The following HDGFL2 variants were observed in gnomAD, a reference collection of about 807,000 sequenced individuals.
HDGFL2 encodes HDGF like 2, also known as hepatoma-derived growth factor-related protein 2.
Under a neutral mutation model 77.1 loss-of-function variants are expected in HDGFL2, and 36 were observed. The observed-to-expected ratio is 0.47, with a 90% CI of 0.36 to 0.62. The LOEUF is 0.62. HDGFL2 is among the 20% of genes least tolerant of loss of function. The pLI is 0.00. For synonymous variants in HDGFL2, 463 were observed against 413.1 expected (o/e 1.12, Z -1.46); for missense variants, 976 against 973.4 (o/e 1.00, Z -0.04).
chr19:4,494,551 A>G, intron 9 of HDGFL2, 76 bp downstream of exon 9: 1 of 1,125,658 alleles, frequency 8.9e-7, no homozygotes, highest in East Asian at 3.2e-5. Context: ...AGGAGGCAGT[A>G]TCCCAGGTTC....
Position 4,498,289 on chromosome 19 carries a change from T to A in HDGFL2, c.1403-17T>A. The A allele has an allele frequency of 6.2e-7, 1 of 1,609,668 alleles. No homozygotes were observed. The highest frequency in any genetic ancestry group is 8.5e-7 in the Non-Finnish European group (1 of 1,177,116). Reference sequence around the variant, plus strand: ...GGCCCTGCCTGGGCCCACACGGTGCTCTCTCTCCTGGCCCAGAGCCCTCCG... The same window carrying A: ...GGCCCTGCCTGGGCCCACACGGTGCACTCTCTCCTGGCCCAGAGCCCTCCG... On this transcript the variant is annotated splice_polypyrimidine_tract_variant and intron_variant, in intron 11 of 15. Coordinates refer to ENST00000616600, the MANE Select transcript of HDGFL2 (RefSeq NM_001001520.3).
Position 4,501,269 on chromosome 19 carries a change from G to T in HDGFL2, c.1868G>T (p.Arg623Leu). The T allele has an allele frequency of 6.2e-7, 1 of 1,612,548 alleles. No homozygotes were observed. The highest frequency in any genetic ancestry group is 8.5e-7 in the Non-Finnish European group (1 of 1,179,148). ...GAGGACAAGGAGCACGAGGAGGGTC[G>T]GGACTCGGAGGAGGGGCCAAGGTGT... ...SAEDKEHEEG[R>L]DSEEGPRCGS... Residue 623 changes from arginine to leucine, a missense_variant, in exon 15 of 16, where the codon CGG becomes CTG. Arg to Leu is a moderately radical substitution (Grantham distance 102). Transcript: ENST00000616600.
chr19:4,493,070 G>A (rs893597418), intron 6 of HDGFL2, among the ~76,000 whole-genome samples: 1 of 98,742 alleles, frequency 1.0e-5, no homozygotes, highest in African/African-American at 4.6e-5. Flanking sequence ...TGTTGTCTGT[G>A]TGTGGTGTGT....
chr19:4,494,483 G>T lies in HDGFL2; in HGVS notation c.1224+8G>T. ...GCCGAGCTGGAGAGAGAGGTGAGCCGGGAGGGCGCCGGGAGTCCCTGCCTT... is the reference window on the plus strand; with the variant it reads ...GCCGAGCTGGAGAGAGAGGTGAGCCTGGAGGGCGCCGGGAGTCCCTGCCTT... On this transcript the variant is annotated splice_region_variant and intron_variant, in intron 9 of 15. Transcript: ENST00000616600. 3 of 1,375,854 alleles carry T rather than the reference G, an allele frequency of 2.2e-6. No individual in the cohort carries two copies. The highest frequency in any genetic ancestry group is 1.7e-5 in the South Asian group (1 of 57,314). The allele number at this position is 1,375,854 out of a possible 1,614,324, so 85.2% of individuals were successfully genotyped here.
At chr19:4,475,084 C>G in intron 1 of HDGFL2, 191 bp from the exon 2 acceptor site, 1 of 596,994 alleles carries the variant, frequency 1.7e-6, no homozygotes, top group Non-Finnish European at 3.0e-6. Flanking sequence ...GGAGAGCTCT[C>G]TGGGTGGGGC....
rs1038546208 is a variant in HDGFL2, at chr19:4,501,998, C to T, written c.2004C>T (p.Asp668=). The T allele has an allele frequency of 1.8e-5, 28 of 1,517,106 alleles. No homozygotes were observed. Among genetic ancestry groups the T allele is most frequent in the South Asian group, 5.0e-5 (4 of 80,008 alleles). 94.0% of individuals were successfully genotyped at this position (1,517,106 alleles called of 1,614,324 possible). ...ERARGDSEAL[D]EES is the part of the protein sequence containing the mutation. Reference sequence around the variant, plus strand: ...CACGGGGGGACTCGGAGGCCCTGGACGAGGAGAGCTGAGCCGCGGGCAGCC... The same window carrying T: ...CACGGGGGGACTCGGAGGCCCTGGATGAGGAGAGCTGAGCCGCGGGCAGCC... The change falls in exon 16 of 16, where the codon GAC becomes GAT. Residue 668 remains aspartate (D), a synonymous_variant. Coordinates refer to ENST00000616600, the MANE Select transcript of HDGFL2 (RefSeq NM_001001520.3).
In HDGFL2 at chr19:4,502,072, CGCAGGAGAGCAGA is replaced by C; in HGVS notation, c.*67_*79del. ...AGGCTGCCCCTCTCCTTCCCCGGCT[CGCAGGAGAGCAGA>C]GCAGAGAACTGTGGGGAACGCTGTG... On this transcript the variant is annotated 3_prime_UTR_variant, in exon 16 of 16. Coordinates refer to ENST00000616600, the MANE Select transcript of HDGFL2 (RefSeq NM_001001520.3). 1 of 1,176,826 alleles carries C rather than the reference CGCAGGAGAGCAGA, an allele frequency of 8.5e-7. No individual in the cohort carries two copies. The highest frequency in any genetic ancestry group is 1.2e-6 in the Non-Finnish European group (1 of 818,754). 72.9% of individuals were successfully genotyped at this position (1,176,826 alleles called of 1,614,324 possible).
intron 3 of HDGFL2, 125 bp downstream of exon 3, chr19:4,475,708 T>A (rs993406801): frequency 2.8e-5 from 34 of 1,200,500 alleles, no homozygotes; most frequent in South Asian, 1.9e-4. Context: ...TGGTGGGGCA[T>A]TCTGGGCCCT....
At chr19:4,475,929 G>T (rs1294792350) in intron 3 of HDGFL2, among the ~76,000 whole-genome samples, 1 of 146,930 alleles carries the variant, frequency 6.8e-6, no homozygotes, top group Non-Finnish European at 1.5e-5. Flanking sequence ...TCGCTCTGTT[G>T]TCCAGGATGG....
chr19:4,498,520 A>C, intron 12 of HDGFL2, 144 bp downstream of exon 12: 1 of 691,412 alleles, frequency 1.4e-6, no homozygotes, highest in East Asian at 2.7e-5. Context: ...TAGTGAGCGC[A>C]TGGGGTCTCC....
intron 3 of HDGFL2, among the ~76,000 whole-genome samples, chr19:4,481,856 C>T (rs1373191212): frequency 6.6e-6 from 1 of 151,944 alleles, no homozygotes; most frequent in Non-Finnish European, 1.5e-5. Flanking sequence ...ACTTAGGAAG[C>T]GCTCACTGGA....
chr19:4,494,117 G>T, intron 8 of HDGFL2, 49 bp from the exon 9 acceptor site: 11 of 1,506,164 alleles, frequency 7.3e-6, no homozygotes, highest in African/African-American at 1.4e-5. Flanking sequence ...GGGCAGGGCG[G>T]GCTCCTGAGG....
intron 3 of HDGFL2, among the ~76,000 whole-genome samples, chr19:4,476,586 C>CT (rs1174763503): frequency 6.6e-6 from 1 of 151,146 alleles, no homozygotes; most frequent in East Asian, 1.9e-4. Context: ...AGAGCCCCCT[C>CT]TTTCACTGTT....
At chr19:4,498,670 T>C (rs1975773540) in intron 12 of HDGFL2, 144 bp from the exon 13 acceptor site, 1 of 632,114 alleles carries the variant, frequency 1.6e-6, no homozygotes, top group Non-Finnish European at 2.8e-6. Flanking sequence ...CCCCGTCAAC[T>C]GGACGGGGGC....
chr19:4,499,537 A>G lies in HDGFL2; in HGVS notation c.1622A>G (p.Glu541Gly). Residue 541 changes from glutamate (E) to glycine (G), a missense_variant, in exon 14 of 16, where the codon GAA becomes GGA. Glu to Gly is a moderately conservative substitution (Grantham distance 98). This residue lies in a region of HDGFL2 where 229 missense variants were observed against 187.3 expected (regional missense o/e 1.22). Transcript: ENST00000616600. ...AAGGACGTAATGGAGAAGGCAGCAG[A>G]AGTCTATACCCGGCTCAAGTCGCGG... ...ANKDVMEKAA[E>G]VYTRLKSRVL... 3 of 1,613,882 alleles carry G rather than the reference A, an allele frequency of 1.9e-6. No individual in the cohort carries two copies. Among genetic ancestry groups the G allele is most frequent in the Non-Finnish European group, 1.7e-6 (2 of 1,179,964 alleles).
chr19:4,483,308 C>T (rs542573467), intron 3 of HDGFL2, among the ~76,000 whole-genome samples: 1 of 152,140 alleles, frequency 6.6e-6, no homozygotes, highest in Non-Finnish European at 1.5e-5. Flanking sequence ...GCTGTGCGCA[C>T]GGAGGCTGGT....
At chr19:4,478,551 C>T (rs567084120) in intron 3 of HDGFL2, among the ~76,000 whole-genome samples, 1 of 151,960 alleles carries the variant, frequency 6.6e-6, no homozygotes, top group African/African-American at 2.4e-5. Context: ...CCACCAAGAG[C>T]GGACAGGAAG....
At chr19:4,484,652 A>G (rs1975312811) in intron 3 of HDGFL2, among the ~76,000 whole-genome samples, 1 of 132,716 alleles carries the variant, frequency 7.5e-6, no homozygotes, top group Admixed American at 8.1e-5. Flanking sequence ...GGCACCCGCC[A>G]TCACGCCTGG....
rs770025134 is a variant in HDGFL2 at position 4,501,268 on chromosome 19, C to T, written c.1867C>T (p.Arg623Trp). ...SAEDKEHEEG[R>W]DSEEGPRCGS... is the part of the protein sequence containing the mutation. The stretch of plus-strand genomic sequence containing the variant: ...AGAGGACAAGGAGCACGAGGAGGGT[C>T]GGGACTCGGAGGAGGGGCCAAGGTG... The change falls in exon 15 of 16, where the codon CGG becomes TGG. Residue 623 changes from arginine (R) to tryptophan (W), a missense_variant. Arg to Trp is a moderately radical substitution (Grantham distance 101). Transcript: ENST00000616600. The T allele has an allele frequency of 3.2e-5, 52 of 1,612,752 alleles. No individual in the cohort carries two copies. Among genetic ancestry groups the T allele is most frequent in the Middle Eastern group, 3.3e-4 (2 of 6,050 alleles).
Sources: gnomAD v4.1 joint callset for allele counts (sites outside exome capture counted in the v4.1 genomes callset) on GRCh38, gnomAD v4.1.1 for gene constraint, gnomAD v4.1.1 regional missense constraint, MANE v1.5 for transcripts, NCBI Gene and HGNC (gene_info 2026-07-23, HGNC 2026-07-21) for gene names.